AK5: variants seen among roughly 807,000 people sequenced by gnomAD.
AK5 encodes adenylate kinase 5, also known as adenylate kinase isoenzyme 5.
AK5 carries 27 observed loss-of-function variants against 69.5 expected under a neutral mutation model. The observed-to-expected ratio is 0.39, with a 90% CI of 0.29 to 0.54. The LOEUF (loss-of-function observed/expected upper bound fraction) is 0.54, where lower values mean the gene tolerates loss of function less well. Among genes scored for constraint, AK5 ranks in the 20% least tolerant of loss-of-function variants. The pLI is 0.71. For synonymous variants in AK5, 260 were observed against 244.4 expected (o/e 1.06, Z -0.60); for missense variants, 531 against 700.4 (o/e 0.76, Z 2.73).
At chr1:77,371,048 A>C (rs181012258) in intron 6 of AK5, among the ~76,000 whole-genome samples, 1 of 152,200 alleles carries the variant, frequency 6.6e-6, no homozygotes, top group Non-Finnish European at 1.5e-5. Context: ...ACTCCATCCC[A>C]TGCTGACCCA....
At chr1:77,293,701 A>C in intron 2 of AK5, 92 bp from the exon 3 acceptor site, 1 of 1,115,106 alleles carries the variant, frequency 9.0e-7, no homozygotes, top group East Asian at 2.6e-5. Context: ...AAACCCATTT[A>C]ATTTTAAAAT....
chr1:77,482,804 A>G (rs1167559420), intron 8 of AK5, among the ~76,000 whole-genome samples: 1 of 151,384 alleles, frequency 6.6e-6, no homozygotes, highest in Admixed American at 6.6e-5. Context: ...GCTACAGGGG[A>G]CATGTTGCTC....
intron 8 of AK5, among the ~76,000 whole-genome samples, chr1:77,421,495 C>T (rs1392853743): frequency 6.6e-6 from 1 of 152,116 alleles, no homozygotes; most frequent in Non-Finnish European, 1.5e-5. Context: ...ATGTGATCTC[C>T]AAAGGGATTA....
rs934178942 is a variant in AK5, at chr1:77,427,993, G to T, written c.1059+10278G>T. Reference sequence around the variant, plus strand: ...GGACAGAACCAAGCTATTCATGAAGGATCTGCCTCCATGACCCAAACACCT... The same window carrying T: ...GGACAGAACCAAGCTATTCATGAAGTATCTGCCTCCATGACCCAAACACCT... On this transcript the variant is annotated intron_variant, in intron 8 of 13. Coordinates refer to ENST00000354567, the MANE Select transcript of AK5 (RefSeq NM_174858.3). Among the ~76,000 whole-genome samples the T allele has an allele frequency of 2.0e-5, 3 of 152,288 alleles. No individual in the cohort carries two copies. In the South Asian group the frequency reaches 6.2e-4, roughly 32 times the overall value.
At chr1:77,283,317 A>G in intron 1 of AK5, 1 of 985,440 alleles carries the variant, frequency 1.0e-6, no homozygotes, top group Non-Finnish European at 1.2e-6. Flanking sequence ...AAAGAATAGA[A>G]GCAAGCCAGG....
rs374382779 is a variant in AK5, at chr1:77,367,589, T to TTATATATATAATATATATGTTA, written c.891+27028_891+27029insATAATATATATGTTATATATAT. On this transcript the variant is annotated intron_variant, in intron 6 of 13. Transcript: ENST00000354567. The stretch of plus-strand genomic sequence containing the variant: ...TATATATATATATATAATATATATG[T>TTATATATATAATATATATGTTA]TATATATGTAATATATATGTAATAT... Among the ~76,000 whole-genome samples, 416 of 43,442 alleles carry TTATATATATAATATATATGTTA rather than the reference T, an allele frequency of 9.6e-3. 29 individuals are homozygous for TTATATATATAATATATATGTTA. Among genetic ancestry groups the TTATATATATAATATATATGTTA allele is most frequent in the African/African-American group, 0.032 (392 of 12,376 alleles). 28.5% of individuals were successfully genotyped at this position (43,442 alleles called of 152,430 possible).
chr1:77,388,381 A>G (rs922523531), intron 6 of AK5, among the ~76,000 whole-genome samples: 1 of 152,244 alleles, frequency 6.6e-6, no homozygotes, highest in African/African-American at 2.4e-5. Flanking sequence ...CCCTGTATGC[A>G]TTCAATGTTA....
chr1:77,377,920 T>C (rs917123432), intron 6 of AK5, among the ~76,000 whole-genome samples: 1 of 152,234 alleles, frequency 6.6e-6, no homozygotes, highest in Non-Finnish European at 1.5e-5. Context: ...TATCACAATC[T>C]CTATGAAACT....
intron 8 of AK5, among the ~76,000 whole-genome samples, chr1:77,434,908 TACATGGCTCTTTAAA>T (rs1651867556): frequency 1.3e-5 from 2 of 152,158 alleles, no homozygotes; most frequent in African/African-American, 4.8e-5. Context: ...AGCAGAGGAA[TACATGGCTCTTTAAA>T]AAAGTGAAAA....
At chr1:77,344,794 T>G (rs1216006902) in intron 6 of AK5, among the ~76,000 whole-genome samples, 1 of 152,146 alleles carries the variant, frequency 6.6e-6, no homozygotes, top group Non-Finnish European at 1.5e-5. Flanking sequence ...CGGTGATTTC[T>G]GAGATTTTAG....
intron 6 of AK5, among the ~76,000 whole-genome samples, chr1:77,341,317 G>A (rs1459449606): frequency 6.6e-6 from 1 of 152,152 alleles, no homozygotes; most frequent in Non-Finnish European, 1.5e-5. Flanking sequence ...AGGATAATGG[G>A]TCATCTGAAG....
At chr1:77,370,366 C>T (rs1647097184) in intron 6 of AK5, among the ~76,000 whole-genome samples, 1 of 152,158 alleles carries the variant, frequency 6.6e-6, no homozygotes. Context: ...CTCTGTCTCA[C>T]AAACTCACAC....
intron 5 of AK5, chr1:77,314,240 G>A (rs963542157): frequency 4.0e-6 from 1 of 249,200 alleles, no homozygotes; most frequent in African/African-American, 2.3e-5. Flanking sequence ...AGAGGCAGAG[G>A]TGGTATTTGA....
intron 13 of AK5, among the ~76,000 whole-genome samples, chr1:77,541,245 C>A (rs1314283904): frequency 6.6e-6 from 1 of 152,014 alleles, no homozygotes. Flanking sequence ...GGCAACATGG[C>A]AAAACCCATC....
chr1:77,290,644 A>G (rs1658635942), intron 2 of AK5, among the ~76,000 whole-genome samples: 1 of 152,238 alleles, frequency 6.6e-6, no homozygotes, highest in Non-Finnish European at 1.5e-5. Context: ...CCCATCTTCC[A>G]GAATATCTCA....
chr1:77,441,078 T>G (rs1341490681), intron 8 of AK5, among the ~76,000 whole-genome samples: 1 of 152,224 alleles, frequency 6.6e-6, no homozygotes, highest in Non-Finnish European at 1.5e-5. Context: ...TGATAAAGTC[T>G]GCTTTTTCAG....
At chr1:77,298,645 A>C (rs74426357) in intron 5 of AK5, among the ~76,000 whole-genome samples, 1 of 151,016 alleles carries the variant, frequency 6.6e-6, no homozygotes, top group Non-Finnish European at 1.5e-5. Flanking sequence ...CTCTACAAAA[A>C]AAAAAAACCA....
intron 8 of AK5, among the ~76,000 whole-genome samples, chr1:77,459,621 C>T (rs748861005): frequency 4.6e-5 from 7 of 152,184 alleles, no homozygotes; most frequent in Non-Finnish European, 8.8e-5. Flanking sequence ...AATGAGTCCT[C>T]AGGTAATGCC....
At chr1:77,412,716 G>A (rs1003105998) in intron 7 of AK5, among the ~76,000 whole-genome samples, 4 of 151,998 alleles carry the variant, frequency 2.6e-5, no homozygotes, top group African/African-American at 7.2e-5. Flanking sequence ...GTTTGGTCCC[G>A]CCACTGTTTT....
Sources: gnomAD v4.1 joint callset for allele counts (sites outside exome capture counted in the v4.1 genomes callset) on GRCh38, gnomAD v4.1.1 for gene constraint, MANE v1.5 for transcripts, NCBI Gene and HGNC (gene_info 2026-07-23, HGNC 2026-07-21) for gene names.